Variants in NEB observed in about 807,000 individuals in gnomAD.
The protein encoded by NEB is nemaline myopathy type 2.
A neutral mutation model predicts 952.2 loss-of-function variants in NEB; 512 were observed. That is an observed-to-expected ratio of 0.54 (90% confidence interval 0.50 to 0.58). The LOEUF is 0.58. Among genes scored for constraint, NEB ranks in the 20% least tolerant of loss-of-function variants. NEB has a pLI of 0.00. For missense variants in NEB, 8,428 were observed against 9,231.1 expected (o/e 0.91, Z 3.56); for synonymous variants, 2,900 against 3,149.8 (o/e 0.92, Z 2.66).
chr2:151,629,500 T>C, intron 68 of NEB, 39 bp downstream of exon 68: 1 of 1,503,670 alleles, frequency 6.7e-7, no homozygotes, highest in South Asian at 1.1e-5. Flanking sequence ...CCTCCCCACT[T>C]CATCCATCCA....
rs759650509 is a variant in NEB at position 151,656,050 on chromosome 2, TTTATC to T, written c.6496-32_6496-28del. 3.7e-6 allele frequency: 6 copies of T among 1,605,296 alleles called. 1 individual carries two copies. The Admixed American group carries it at 8.4e-5, about 22-fold the overall frequency. ...TATAAAGAAGATAAGCAAATTCTAC[TTTATC>T]TTATCCATTTAGACACAAACCATGG... is the stretch of plus-strand genomic sequence containing the variant. On this transcript the variant is annotated intron_variant, in intron 49 of 181. Coordinates refer to ENST00000397345, the MANE Select transcript of NEB (RefSeq NM_001164508.2).
rs750260952 is a variant in NEB at position 151,672,549 on chromosome 2, GTTC to G, written c.4116_4118del (p.Lys1372del). On this transcript the variant is annotated inframe_deletion, in exon 37 of 182. Coordinates refer to ENST00000397345, the MANE Select transcript of NEB (RefSeq NM_001164508.2). ...GGTAGCTGGTTTTGGTGTTCTCATA[GTTC>G]TTCTTGTATTCACGATCAGACTGCA... The G allele has an allele frequency of 2.5e-6, 4 of 1,613,976 alleles. No individual in the cohort carries two copies. Among genetic ancestry groups the G allele is most frequent in the African/African-American group, 1.3e-5 (1 of 75,044 alleles).
rs370756582 is a variant in NEB, at chr2:151,579,406, G to A, written c.16636C>T (p.Arg5546Cys). The A allele has an allele frequency of 5.5e-5, 84 of 1,531,426 alleles. 7 individuals are homozygous for A. Among genetic ancestry groups the A allele is most frequent in the African/African-American group, 7.0e-5 (5 of 71,942 alleles). 94.9% of individuals were successfully genotyped at this position (1,531,426 alleles called of 1,614,324 possible). Residue 5546 changes from arginine (R) to cysteine (C), a missense_variant, in exon 105 of 182, where the codon CGC becomes TGC. Arg to Cys is a radical substitution (Grantham distance 180). This residue lies in a region of NEB where 19 missense variants were observed against 49.3 expected (regional missense o/e 0.39). Coordinates refer to ENST00000397345, the MANE Select transcript of NEB (RefSeq NM_001164508.2). ...SDVDYRHYLHRWSCFPDQNDV... is the reference protein window; with the variant it reads ...SDVDYRHYLHCWSCFPDQNDV... ...TTCTGGTCGGGAAAGCAAGACCAGC[G>A]GTGCAGGTAATGGCGATAGTCCACA...
At chr2:151,546,557 CTTTTTT>C (rs11436330) in intron 133 of NEB, 114 bp from the exon 134 acceptor site, 8 of 352,270 alleles carry the variant, frequency 2.3e-5, no homozygotes, top group East Asian at 1.1e-4. Context: ...GGTTCATCTA[CTTTTTT>C]TTTTTTTTTT....
chr2:151,725,190 G>A (rs2099786758), intron 6 of NEB, among the ~76,000 whole-genome samples: 1 of 152,214 alleles, frequency 6.6e-6, no homozygotes, highest in Non-Finnish European at 1.5e-5. Flanking sequence ...GCCTTACTGT[G>A]CTACAGTGTG....
intron 10 of NEB, among the ~76,000 whole-genome samples, chr2:151,716,391 C>A (rs933192361): frequency 6.6e-6 from 1 of 152,184 alleles, no homozygotes; most frequent in Admixed American, 6.5e-5. Flanking sequence ...CCCACCTTGG[C>A]CTCCCAAAGT....
At chr2:151,516,657 A>G (rs1381818367) in intron 156 of NEB, 94 bp from the exon 157 acceptor site, 1 of 809,912 alleles carries the variant, frequency 1.2e-6, no homozygotes, top group East Asian at 2.7e-5. Flanking sequence ...TGTTCTGTCA[A>G]TTGGATGGCA....
Position 151,501,826 on chromosome 2 carries a change from A to C in NEB, c.23929-343T>G, listed in dbSNP as rs147474831. 1.7e-3 allele frequency among the ~76,000 whole-genome samples: 259 copies of C among 152,066 alleles called. 2 individuals carry two copies. In the South Asian group the frequency reaches 0.031, roughly 18 times the overall value. On this transcript the variant is annotated intron_variant, in intron 167 of 181. Transcript: ENST00000397345. ...TTGGTAACATTAAATTAGGGAACCA[A>C]AGAAAGAGGAGAGAGAGAGACAGGT...
chr2:151,551,842 C>T lies in NEB; in HGVS notation c.19840G>A (p.Val6614Ile). Residue 6614 changes from valine to isoleucine, a missense_variant, in exon 129 of 182, where the codon GTC (valine) becomes ATC (isoleucine). Val to Ile is a conservative substitution (Grantham distance 29). Transcript: ENST00000397345. ...CTGTGCACATAGTCATAGTGGTAGA[C>T]AGCCTGGTGCAGAAAGAAGCATTGT... ...VKSGKQLSDA[V>I]YHYDYVHSVR... is the part of the protein sequence containing the mutation. 6.2e-7 allele frequency: 1 copy of T among 1,605,680 alleles called. No homozygotes were observed. Among genetic ancestry groups the T allele is most frequent in the Non-Finnish European group, 8.5e-7 (1 of 1,175,344 alleles).
chr2:151,499,241 ATTAATCTTT>A (rs2062609720), intron 169 of NEB, 48 bp downstream of exon 169: 3 of 949,416 alleles, frequency 3.2e-6, no homozygotes, highest in Admixed American at 5.1e-5. Context: ...AAATCTAGCC[ATTAATCTTT>A]TTAAACATTT....
chr2:151,502,672 CTG>C (rs1472623117), intron 167 of NEB, 119 bp downstream of exon 167: 1 of 672,298 alleles, frequency 1.5e-6, no homozygotes, highest in African/African-American at 1.8e-5. Flanking sequence ...GGGTTGAAAA[CTG>C]AGGTAATATT....
chr2:151,489,493 G>A (rs1244351941), intron 181 of NEB, among the ~76,000 whole-genome samples: 2 of 152,142 alleles, frequency 1.3e-5, no homozygotes, highest in East Asian at 3.8e-4. Flanking sequence ...CAAATTTCCA[G>A]GCTCAAGCAA....
At chr2:151,498,909 A>C (rs2062307412) in intron 169 of NEB, among the ~76,000 whole-genome samples, 1 of 151,416 alleles carries the variant, frequency 6.6e-6, no homozygotes, top group African/African-American at 2.4e-5. Flanking sequence ...AGAAACTTCA[A>C]AATATCTGTA....
intron 13 of NEB, among the ~76,000 whole-genome samples, chr2:151,704,867 T>C (rs1466043707): frequency 3.3e-5 from 5 of 152,194 alleles, no homozygotes; most frequent in Non-Finnish European, 7.3e-5. Context: ...GCTGTTCCTA[T>C]TCGGCCATCT....
At position 151,527,505 on chromosome 2, in the gene NEB, G is replaced by A; in HGVS notation, c.21816C>T (p.Ala7272=). 6.2e-7 allele frequency: 1 copy of A among 1,613,216 alleles called. No individual in the cohort carries two copies. Among genetic ancestry groups the A allele is most frequent in the South Asian group, 1.1e-5 (1 of 90,890 alleles). The change falls in exon 147 of 182, where the codon GCC becomes GCT. Residue 7272 remains alanine (A), a synonymous_variant. Coordinates refer to ENST00000397345, the MANE Select transcript of NEB (RefSeq NM_001164508.2). ...TPDRPDFLQA[A]KSSLQQSDFE... is the part of the protein sequence containing the mutation. ...CATCGCTTTGCTGCAGGGATGACTT[G>A]GCAGCCTGGAGGAAGTCCGGTCGGT...
At chr2:151,704,563 TGC>T (rs2099696007) in intron 13 of NEB, among the ~76,000 whole-genome samples, 1 of 152,106 alleles carries the variant, frequency 6.6e-6, no homozygotes, top group Admixed American at 6.5e-5. Context: ...AATCTCGTGG[TGC>T]GCCGTTTTTT....
At chr2:151,612,652 A>AAAT (rs1553892574) in intron 77 of NEB, among the ~76,000 whole-genome samples, 3 of 152,196 alleles carry the variant, frequency 2.0e-5, no homozygotes, top group African/African-American at 7.2e-5. Flanking sequence ...CACCTTAAGG[A>AAAT]AATTACTGCC....
intron 119 of NEB, 143 bp downstream of exon 119, chr2:151,563,463 G>T: frequency 1.4e-6 from 1 of 720,854 alleles, no homozygotes; most frequent in Non-Finnish European, 2.5e-6. Context: ...AGGCTGACTT[G>T]GAGGGGTGAG....
At chr2:151,646,505 T>G (rs2098960147) in intron 54 of NEB, among the ~76,000 whole-genome samples, 1 of 152,218 alleles carries the variant, frequency 6.6e-6, no homozygotes, top group Non-Finnish European at 1.5e-5. Flanking sequence ...GCCTTGCCAA[T>G]ATTATCAAAT....
Sources: allele counts gnomAD v4.1 joint callset (sites outside exome capture counted in the v4.1 genomes callset), GRCh38; gene constraint gnomAD v4.1.1; regional missense constraint gnomAD v4.1.1; transcripts MANE v1.5; gene names NCBI Gene and HGNC (gene_info 2026-07-23, HGNC 2026-07-21).